DLC1: variants seen among roughly 807,000 people sequenced by gnomAD.
The protein encoded by DLC1 is DLC1 Rho GTPase activating protein, also known as rho GTPase-activating protein 7.
In DLC1, 54 loss-of-function variants were observed where a neutral mutation model predicts 140.3. The observed-to-expected ratio is 0.38, with a 90% CI of 0.31 to 0.48. The LOEUF (loss-of-function observed/expected upper bound fraction) is 0.48, where lower values mean the gene tolerates loss of function less well. Ranked by LOEUF, DLC1 falls within the 20% of genes least tolerant of loss-of-function variation. The pLI, the probability that DLC1 is intolerant of heterozygous loss-of-function variation, is 0.96. For synonymous variants in DLC1, 986 were observed against 728.1 expected (o/e 1.35, Z -5.70); for missense variants, 2,536 against 1,907.0 (o/e 1.33, Z -6.14).
chr8:13,459,086 C>T (rs1799541625), intron 2 of DLC1, among the ~76,000 whole-genome samples: 1 of 152,142 alleles, frequency 6.6e-6, no homozygotes, highest in Non-Finnish European at 1.5e-5. Context: ...TTTTAAATAA[C>T]CTAATGAACC....
chr8:13,489,692 G>C (rs933959463), intron 2 of DLC1, among the ~76,000 whole-genome samples: 2 of 152,118 alleles, frequency 1.3e-5, no homozygotes, highest in Non-Finnish European at 2.9e-5. Context: ...GAGGCTGTTG[G>C]CTTCTTTAGT....
intron 5 of DLC1, among the ~76,000 whole-genome samples, chr8:13,150,404 T>C (rs909841653): frequency 5.8e-4 from 89 of 152,160 alleles, no homozygotes; most frequent in South Asian, 6.2e-4. Context: ...TTGTCTCTCT[T>C]TTTTTTTCTT....
rs1262298169 is a variant in DLC1 at position 13,499,888 on chromosome 8, G to A, written c.184C>T (p.Pro62Ser). ...AGCTCTGATCCATGACAGCAGTCAG[G>A]TAGTGAAACACACTTCTCTTTGCGG... ...VDRKEKCVSL[P>S]DCCHGSELRD... Residue 62 changes from proline to serine, a missense_variant, in exon 2 of 18, where the codon CCT (proline) becomes TCT (serine). Coordinates refer to ENST00000276297, the MANE Select transcript of DLC1 (RefSeq NM_182643.3). 1 of 1,613,946 alleles carries A rather than the reference G, an allele frequency of 6.2e-7. No homozygotes were observed. Among genetic ancestry groups the A allele is most frequent in the East Asian group, 2.2e-5 (1 of 44,884 alleles).
chr8:13,593,826 G>A (rs188485157), intron 1 of DLC1, among the ~76,000 whole-genome samples: 324 of 152,230 alleles, frequency 2.1e-3, no homozygotes, highest in Non-Finnish European at 3.3e-3. Flanking sequence ...TTGAGGTGGT[G>A]TGGGCAAAGA....
chr8:13,585,316 C>CA (rs1805262241), intron 1 of DLC1, among the ~76,000 whole-genome samples: 1 of 152,012 alleles, frequency 6.6e-6, no homozygotes, highest in East Asian at 1.9e-4. Context: ...GTAATCCCAG[C>CA]ACTTTGAGAG....
At chr8:13,149,475 C>T (rs566590956) in intron 5 of DLC1, among the ~76,000 whole-genome samples, 6 of 152,276 alleles carry the variant, frequency 3.9e-5, no homozygotes, top group East Asian at 1.9e-4. Context: ...TTGAGCCAAT[C>T]CCCTGCTAAT....
At chr8:13,215,141 A>T (rs1387457979) in intron 5 of DLC1, among the ~76,000 whole-genome samples, 3 of 152,246 alleles carry the variant, frequency 2.0e-5, no homozygotes, top group Non-Finnish European at 4.4e-5. Flanking sequence ...ATGCTAACGG[A>T]GCCTACTTTC....
intron 5 of DLC1, among the ~76,000 whole-genome samples, chr8:13,190,385 G>A (rs996975680): frequency 2.0e-5 from 3 of 152,110 alleles, no homozygotes; most frequent in Admixed American, 2.0e-4. Context: ...ACCACCCATG[G>A]CTGGTGAGGT....
chr8:13,127,948 G>A (rs372105173), intron 5 of DLC1, among the ~76,000 whole-genome samples: 1 of 152,066 alleles, frequency 6.6e-6, no homozygotes, highest in African/African-American at 2.4e-5. Context: ...TTTCCCCGAC[G>A]GGGGAAGGGG....
chr8:13,561,122 C>CTTT (rs10635763), intron 1 of DLC1, among the ~76,000 whole-genome samples: 42 of 146,106 alleles, frequency 2.9e-4, no homozygotes, highest in African/African-American at 9.3e-4. Flanking sequence ...AGTGTTTTTC[C>CTTT]TTTTTTTTTT....
At chr8:13,602,668 C>T (rs917281607) in intron 1 of DLC1, among the ~76,000 whole-genome samples, 1 of 151,800 alleles carries the variant, frequency 6.6e-6, no homozygotes, top group Non-Finnish European at 1.5e-5. Flanking sequence ...TTTGTATATG[C>T]TCAGAATTTT....
chr8:13,220,386 C>G (rs928951245), intron 5 of DLC1, among the ~76,000 whole-genome samples: 1 of 152,094 alleles, frequency 6.6e-6, no homozygotes, highest in Non-Finnish European at 1.5e-5. Context: ...GCTTGTGTAA[C>G]AAGTGGGGAT....
intron 1 of DLC1, among the ~76,000 whole-genome samples, chr8:13,591,836 T>C (rs548174281): frequency 6.6e-6 from 1 of 152,246 alleles, no homozygotes; most frequent in South Asian, 2.1e-4. Context: ...ACAAATTGTA[T>C]TGAAATACAC....
At chr8:13,148,453 G>C (rs981046602) in intron 5 of DLC1, among the ~76,000 whole-genome samples, 6 of 152,216 alleles carry the variant, frequency 3.9e-5, no homozygotes, top group African/African-American at 1.4e-4. Context: ...TCCCGCAAAA[G>C]ACAGGGTTCT....
At chr8:13,369,690 C>G (rs891965136) in intron 4 of DLC1, among the ~76,000 whole-genome samples, 1 of 152,074 alleles carries the variant, frequency 6.6e-6, no homozygotes, top group Non-Finnish European at 1.5e-5. Context: ...AGCACTGCTG[C>G]TAGCTACTTC....
intron 4 of DLC1, among the ~76,000 whole-genome samples, chr8:13,356,181 C>A (rs920286417): frequency 1.7e-4 from 26 of 150,528 alleles, no homozygotes; most frequent in Non-Finnish European, 2.8e-4. Context: ...GAATAATAAC[C>A]ACTGACTTGG....
chr8:13,404,541 T>C (rs1425421946), intron 2 of DLC1, among the ~76,000 whole-genome samples: 1 of 152,216 alleles, frequency 6.6e-6, no homozygotes, highest in Non-Finnish European at 1.5e-5. Flanking sequence ...CATAATAACA[T>C]ACTAAAATAA....
chr8:13,226,920 T>C (rs535775027), intron 5 of DLC1, among the ~76,000 whole-genome samples: 1 of 152,214 alleles, frequency 6.6e-6, no homozygotes, highest in East Asian at 1.9e-4. Flanking sequence ...TGGTTTTGGG[T>C]ATAGACTATG....
intron 4 of DLC1, among the ~76,000 whole-genome samples, chr8:13,372,760 C>T (rs1373941287): frequency 8.5e-5 from 13 of 152,056 alleles, no homozygotes; most frequent in Admixed American, 2.0e-4. Context: ...TTTTCTTTAG[C>T]ACAAGAGTTT....
Sources: allele counts gnomAD v4.1 joint callset (sites outside exome capture counted in the v4.1 genomes callset), GRCh38; gene constraint gnomAD v4.1.1; transcripts MANE v1.5; gene names NCBI Gene and HGNC (gene_info 2026-07-23, HGNC 2026-07-21).